Variants in DYNC1I1 observed in about 807,000 individuals in gnomAD.
DYNC1I1 encodes the protein cytoplasmic dynein 1 intermediate chain 1.
DYNC1I1 carries 43 observed loss-of-function variants against 86.6 expected under a neutral mutation model. That is an observed-to-expected ratio of 0.50 (90% CI 0.39 to 0.64). The LOEUF is 0.64. Among genes scored for constraint, DYNC1I1 ranks in the 30% least tolerant of loss-of-function variants. DYNC1I1 has a pLI of 0.00. For missense variants in DYNC1I1, 604 were observed against 788.8 expected, an observed-to-expected ratio of 0.77 and a Z score of 2.81; for synonymous variants, 262 against 283.7, an observed-to-expected ratio of 0.92 and a Z score of 0.77.
rs573503779 is a variant in DYNC1I1, at chr7:95,977,716, A to G, written c.580+115A>G. 62 of 819,896 alleles carry G rather than the reference A, an allele frequency of 7.6e-5. No homozygotes were observed. The Middle Eastern group carries it at 1.6e-3, about 22-fold the overall frequency. The allele number at this position is 819,896 out of a possible 1,614,324, so 50.8% of individuals were successfully genotyped here. A position where few individuals can be genotyped will look rare whatever the true frequency, so the allele number is the denominator to read the frequency against. On this transcript the variant is annotated intron_variant, in intron 7 of 16. Transcript: ENST00000447467. ...ATTGAATTTGCATCCCCTATATGGA[A>G]GATTTTCTATGATTGTTCAATACAT...
intron 10 of DYNC1I1, among the ~76,000 whole-genome samples, chr7:95,997,187 GA>G (rs1793887259): frequency 6.6e-6 from 1 of 151,942 alleles, no homozygotes; most frequent in Non-Finnish European, 1.5e-5. Flanking sequence ...CTTAGCCTTT[GA>G]AATAAGAACG....
At chr7:95,857,117 A>G (rs2116100300) in intron 5 of DYNC1I1, among the ~76,000 whole-genome samples, 1 of 152,350 alleles carries the variant, frequency 6.6e-6, no homozygotes, top group South Asian at 2.1e-4. Flanking sequence ...AGTCATTCAT[A>G]CACTCCTTGG....
intron 5 of DYNC1I1, among the ~76,000 whole-genome samples, chr7:95,828,669 G>A (rs1271574372): frequency 6.6e-6 from 1 of 152,102 alleles, no homozygotes; most frequent in Non-Finnish European, 1.5e-5. Context: ...AATACTAGAT[G>A]TTGAGTAATG....
At chr7:95,878,131 A>G (rs1329995521) in intron 6 of DYNC1I1, among the ~76,000 whole-genome samples, 1 of 152,168 alleles carries the variant, frequency 6.6e-6, no homozygotes, top group Non-Finnish European at 1.5e-5. Flanking sequence ...ACAATATATT[A>G]TCAAAGTCAA....
At chr7:96,044,852 A>G (rs1789160795) in intron 14 of DYNC1I1, among the ~76,000 whole-genome samples, 1 of 152,182 alleles carries the variant, frequency 6.6e-6, no homozygotes, top group East Asian at 1.9e-4. Context: ...GGAATGAAAG[A>G]TGGACTGTGG....
At position 96,028,185 on chromosome 7, in the gene DYNC1I1, T is replaced by C. The variant is rs750281458; in HGVS notation, c.980T>C (p.Met327Thr). The change falls in exon 11 of 17, where the codon ATG becomes ACG. Residue 327 changes from methionine to threonine, a missense_variant. Coordinates refer to ENST00000447467, the MANE Select transcript of DYNC1I1 (RefSeq NM_001135556.2). Reference sequence around the variant, plus strand: ...CCTTTTCCCTGACAGTCCTCTGTGATGTCGGTCTGCTTCGCCCGTTTCCAT... The same window carrying C: ...CCTTTTCCCTGACAGTCCTCTGTGACGTCGGTCTGCTTCGCCCGTTTCCAT... ...EYVFHCQSSV[M>T]SVCFARFHPN... 8 of 1,613,904 alleles carry C rather than the reference T, an allele frequency of 5.0e-6. No homozygotes were observed. The highest frequency in any genetic ancestry group is 4.4e-5 in the South Asian group (4 of 91,058).
intron 6 of DYNC1I1, among the ~76,000 whole-genome samples, chr7:95,945,208 G>A (rs1243072988): frequency 6.6e-6 from 1 of 151,896 alleles, no homozygotes; most frequent in African/African-American, 2.4e-5. Flanking sequence ...GTATTTGGAG[G>A]TAGAGGGGGG....
At position 95,909,900 on chromosome 7, in the gene DYNC1I1, T is replaced by C. The variant is rs561674219; in HGVS notation, c.490+39902T>C. ...TACCTGGACTGAGCCTCGTTCTCCA[T>C]CCTGTTTCATCTGTCTTTCTCTCTC... On this transcript the variant is annotated intron_variant, in intron 6 of 16. Transcript: ENST00000447467. Among the ~76,000 whole-genome samples the C allele has an allele frequency of 2.3e-4, 35 of 152,214 alleles. No individual in the cohort carries two copies. In the South Asian group the frequency reaches 7.0e-3, roughly 31 times the overall value.
At chr7:95,925,718 G>C (rs1023281546) in intron 6 of DYNC1I1, among the ~76,000 whole-genome samples, 1 of 152,176 alleles carries the variant, frequency 6.6e-6, no homozygotes, top group Non-Finnish European at 1.5e-5. Context: ...TGCAGAGTAA[G>C]AGCTTTGTTC....
chr7:96,035,074 C>G (rs867775673), intron 12 of DYNC1I1, among the ~76,000 whole-genome samples: 1 of 152,102 alleles, frequency 6.6e-6, no homozygotes, highest in African/African-American at 2.4e-5. Flanking sequence ...AAATATTGTT[C>G]TTTTCAGGCT....
At chr7:95,867,791 G>C (rs1360338983) in intron 5 of DYNC1I1, among the ~76,000 whole-genome samples, 1 of 152,138 alleles carries the variant, frequency 6.6e-6, no homozygotes, top group South Asian at 2.1e-4. Context: ...CCACTTCCTT[G>C]TTTATAATAA....
rs148085627 is a variant in DYNC1I1, at chr7:96,090,588, T to A, written c.1777-6895T>A. Reference sequence around the variant, plus strand: ...TTTAAAGATACAAGGGAAGAGACCTTTGGCAGAGAGGTCTGAAGCTTCATG... The same window carrying A: ...TTTAAAGATACAAGGGAAGAGACCTATGGCAGAGAGGTCTGAAGCTTCATG... On this transcript the variant is annotated intron_variant, in intron 16 of 16. Transcript: ENST00000447467. 6.6e-3 allele frequency among the ~76,000 whole-genome samples: 1,006 copies of A among 152,156 alleles called. 8 individuals carry two copies. The highest frequency in any genetic ancestry group is 0.011 in the African/African-American group (439 of 41,520).
chr7:96,030,636 C>T (rs1264222274), intron 11 of DYNC1I1, among the ~76,000 whole-genome samples: 1 of 151,990 alleles, frequency 6.6e-6, no homozygotes, highest in Admixed American at 6.6e-5. Context: ...AAAGAAGCCC[C>T]ACTGGACTCT....
intron 14 of DYNC1I1, among the ~76,000 whole-genome samples, chr7:96,051,634 T>TGA (rs1789407618): frequency 6.6e-6 from 1 of 152,180 alleles, no homozygotes; most frequent in East Asian, 1.9e-4. Context: ...AGAATAAAAT[T>TGA]TTCTAAGTGA....
At chr7:95,876,171 G>A (rs190911070) in intron 6 of DYNC1I1, among the ~76,000 whole-genome samples, 5 of 151,442 alleles carry the variant, frequency 3.3e-5, no homozygotes, top group Admixed American at 3.3e-4. Context: ...CCTCCTCTTA[G>A]TTTAACACTC....
chr7:96,058,385 T>C (rs1789649777), intron 14 of DYNC1I1, among the ~76,000 whole-genome samples: 1 of 152,202 alleles, frequency 6.6e-6, no homozygotes, highest in Admixed American at 6.5e-5. Flanking sequence ...AGAACTTCTT[T>C]AAAAAGAGAT....
intron 1 of DYNC1I1, among the ~76,000 whole-genome samples, chr7:95,785,775 G>GTGTGTGTA (rs1317168531): frequency 1.3e-4 from 16 of 124,876 alleles, no homozygotes; most frequent in African/African-American, 2.2e-4. Context: ...GTGTGTATGT[G>GTGTGTGTA]TATATATATA....
At chr7:95,997,921 T>C (rs542770238) in intron 10 of DYNC1I1, among the ~76,000 whole-genome samples, 1 of 152,214 alleles carries the variant, frequency 6.6e-6, no homozygotes, top group South Asian at 2.1e-4. Context: ...TGCTATGATA[T>C]TTAGTATTTC....
intron 7 of DYNC1I1, among the ~76,000 whole-genome samples, chr7:95,984,169 A>G (rs1793524612): frequency 6.6e-6 from 1 of 152,202 alleles, no homozygotes; most frequent in Non-Finnish European, 1.5e-5. Flanking sequence ...AAAGTAAGGC[A>G]GAAAAACAAT....
Sources: allele counts gnomAD v4.1 joint callset (sites outside exome capture counted in the v4.1 genomes callset), GRCh38; gene constraint gnomAD v4.1.1; transcripts MANE v1.5; gene names NCBI Gene and HGNC (gene_info 2026-07-23, HGNC 2026-07-21).